The following CLEC1A variants were observed in gnomAD, a reference collection of about 807,000 sequenced individuals.
CLEC1A encodes C-type lectin domain family 1 member A.
A neutral mutation model predicts 28.7 loss-of-function variants in CLEC1A; 34 were observed. The ratio of observed to expected loss-of-function variants is 1.18; its 90% CI spans 0.90 to 1.57. CLEC1A has a LOEUF of 1.57. Ranked by LOEUF, CLEC1A falls within the 40% of genes most tolerant of loss-of-function variation. The pLI is 0.00. For synonymous variants in CLEC1A, 116 were observed against 121.0 expected, an observed-to-expected ratio of 0.96 and a Z score of 0.27; for missense variants, 385 against 339.5, an observed-to-expected ratio of 1.13 and a Z score of -1.05.
In CLEC1A at chr12:10,081,264, A is replaced by C; in HGVS notation, c.364T>G (p.Cys122Gly). The C allele has an allele frequency of 6.2e-7, 1 of 1,609,678 alleles. No homozygotes were observed. The change falls in exon 3 of 6, where the codon TGT (cysteine) becomes GGT (glycine). Residue 122 changes from cysteine (C) to glycine (G), a missense_variant. Transcript: ENST00000315330. ...GSLQHVAEKLCRELYNKAGAH... is the reference protein window; with the variant it reads ...GSLQHVAEKLGRELYNKAGAH... ...CCAGCTTTGTTATACAGCTCACGAC[A>C]GAGTTTTTCAGCCACATGCTGCAGA...
intron 2 of CLEC1A, among the ~76,000 whole-genome samples, chr12:10,082,592 C>T (rs1346680839): frequency 4.6e-5 from 7 of 152,130 alleles, no homozygotes; most frequent in African/African-American, 1.4e-4. Context: ...TACCCAAACA[C>T]AAAAGACATA....
intron 1 of CLEC1A, among the ~76,000 whole-genome samples, chr12:10,090,635 TAGAC>T (rs1362993900): frequency 6.6e-6 from 1 of 151,936 alleles, no homozygotes; most frequent in Non-Finnish European, 1.5e-5. Context: ...AATATAGAAA[TAGAC>T]AGTATAATTA....
chr12:10,071,618 A>G, intron 5 of CLEC1A, 105 bp from the exon 6 acceptor site: 1 of 933,740 alleles, frequency 1.1e-6, no homozygotes, highest in South Asian at 2.4e-5. Context: ...TAGATACCAG[A>G]ATAAGTTTAC....
rs551562420 is a variant in CLEC1A, at chr12:10,073,058, C to A, written c.662+235G>T. On this transcript the variant is annotated intron_variant, in intron 5 of 5. Coordinates refer to ENST00000315330, the MANE Select transcript of CLEC1A (RefSeq NM_016511.4). Reference sequence around the variant, plus strand: ...TTGCACCACTGCACTCCAGCCCATGCAACAGAACAAGACCCTATCTCAAAA... The same window carrying A: ...TTGCACCACTGCACTCCAGCCCATGAAACAGAACAAGACCCTATCTCAAAA... Among the ~76,000 whole-genome samples the A allele has an allele frequency of 4.6e-5, 7 of 152,216 alleles. No homozygotes were observed. In the South Asian group the frequency reaches 1.5e-3, roughly 32 times the overall value.
At chr12:10,076,977 A>G (rs1866264459) in intron 3 of CLEC1A, among the ~76,000 whole-genome samples, 1 of 152,210 alleles carries the variant, frequency 6.6e-6, no homozygotes, top group South Asian at 2.1e-4. Flanking sequence ...AGTCTCACAT[A>G]CAATGTTTTC....
chr12:10,089,162 A>G lies in CLEC1A; in HGVS notation c.176T>C (p.Leu59Ser), dbSNP rs569926977. The change falls in exon 2 of 6, where the codon TTG (leucine) becomes TCG (serine). Residue 59 changes from leucine (L) to serine (S), a missense_variant. By Grantham distance (145) the Leu-to-Ser change is moderately radical (BLOSUM62 -2). Transcript: ENST00000315330. ...PVALTLLTLC[L>S]VLLIGLAALG... ...GGCTGCCAGCCCTATCAGCAGCACC[A>G]AGCACAAAGTCAGCAGGGTCAGGGC... 15 of 1,614,114 alleles carry G rather than the reference A, an allele frequency of 9.3e-6. 1 individual carries two copies. The South Asian group carries it at 1.5e-4, about 17-fold the overall frequency.
At chr12:10,077,375 T>C (rs983121798) in intron 3 of CLEC1A, among the ~76,000 whole-genome samples, 1 of 152,114 alleles carries the variant, frequency 6.6e-6, no homozygotes, top group Non-Finnish European at 1.5e-5. Context: ...ATACCCTCCA[T>C]TCCAGCCTAG....
At chr12:10,094,889 C>A (rs1173963013) in intron 1 of CLEC1A, among the ~76,000 whole-genome samples, 1 of 152,144 alleles carries the variant, frequency 6.6e-6, no homozygotes, top group African/African-American at 2.4e-5. Context: ...CTAATAGGAT[C>A]CCATTTTACT....
chr12:10,097,682 G>A (rs1947795229), intron 1 of CLEC1A, among the ~76,000 whole-genome samples: 1 of 152,130 alleles, frequency 6.6e-6, no homozygotes, highest in Admixed American at 6.6e-5. Context: ...TCTAGTCCTT[G>A]ACAGAGTTCC....
At chr12:10,093,360 T>C (rs1002361486) in intron 1 of CLEC1A, among the ~76,000 whole-genome samples, 1 of 106,772 alleles carries the variant, frequency 9.4e-6, no homozygotes, top group African/African-American at 3.5e-5. Flanking sequence ...CTAGGAATAA[T>C]AAGATATATA....
intron 1 of CLEC1A, among the ~76,000 whole-genome samples, chr12:10,094,781 G>T (rs1947754643): frequency 6.6e-6 from 1 of 152,116 alleles, no homozygotes; most frequent in South Asian, 2.1e-4. Flanking sequence ...AATTCTGAAA[G>T]CATAAATTTA....
chr12:10,071,339 A>T lies in CLEC1A; in HGVS notation c.837T>A (p.Gly279=), dbSNP rs754904871. 4 of 1,612,626 alleles carry T rather than the reference A, an allele frequency of 2.5e-6. No homozygotes were observed. In the African/African-American group the frequency reaches 5.3e-5, roughly 22 times the overall value. The change falls in exon 6 of 6, where the codon GGT becomes GGA. Residue 279 remains glycine, a synonymous_variant. Coordinates refer to ENST00000315330, the MANE Select transcript of CLEC1A (RefSeq NM_016511.4). ...TGTAGTTGCAGAGGGCGAATCAGTCACCTTCGCCTAATGTTTCAGGGGGGA... is the reference window on the plus strand; with the variant it reads ...TGTAGTTGCAGAGGGCGAATCAGTCTCCTTCGCCTAATGTTTCAGGGGGGA... ...LHVPPETLGE[G]D is the part of the protein sequence containing the mutation.
In CLEC1A at chr12:10,081,342, TA is replaced by T; in HGVS notation, c.285del (p.Asn95LysfsTer14). The T allele has an allele frequency of 6.2e-7, 1 of 1,613,542 alleles. No homozygotes were observed. Among genetic ancestry groups the T allele is most frequent in the Non-Finnish European group, 8.5e-7 (1 of 1,179,750 alleles). On this transcript the variant is annotated frameshift_variant, in exon 3 of 6. Transcript: ENST00000315330. LOFTEE classifies it high-confidence loss of function. ...TISQMEERLGNTSQELQSLQV... is the reference protein window; with the variant it reads ...TISQMEERLGXTSQELQSLQV... ...TGAAGAGATTGCAACTCTTGGGACG[TA>T]TTTCCTAATCTTTCTTCCATTTGAG...
chr12:10,078,133 T>C (rs1487276921), intron 3 of CLEC1A, among the ~76,000 whole-genome samples: 1 of 152,224 alleles, frequency 6.6e-6, no homozygotes, highest in Admixed American at 6.5e-5. Context: ...TCTCTGTTGC[T>C]ATTCTTTCCT....
At chr12:10,091,938 A>T (rs953394646) in intron 1 of CLEC1A, among the ~76,000 whole-genome samples, 1 of 152,168 alleles carries the variant, frequency 6.6e-6, no homozygotes, top group African/African-American at 2.4e-5. Flanking sequence ...ATATTTATTT[A>T]TCCATTATTG....
In CLEC1A at chr12:10,098,813, C is replaced by A. The variant is rs770200725; in HGVS notation, c.110G>T (p.Arg37Leu). The A allele has an allele frequency of 1.2e-6, 2 of 1,610,314 alleles. No individual in the cohort carries two copies. Among genetic ancestry groups the A allele is most frequent in the Non-Finnish European group, 1.7e-6 (2 of 1,177,584 alleles). Residue 37 changes from arginine to leucine, a missense_variant, in exon 1 of 6, where the codon CGC (arginine) becomes CTC (leucine). By Grantham distance (102) the Arg-to-Leu change is moderately radical. Coordinates refer to ENST00000315330, the MANE Select transcript of CLEC1A (RefSeq NM_016511.4). ...SATTRHPEPR[R>L]TEHRAPSSTW... Reference sequence around the variant, plus strand: ...GACTCCAGGAGACAGGGTACCTGTGCGCCGGGGCTCTGGATGCCGAGTTGT... The same window carrying A: ...GACTCCAGGAGACAGGGTACCTGTGAGCCGGGGCTCTGGATGCCGAGTTGT...
chr12:10,092,828 T>A (rs748528894), intron 1 of CLEC1A, among the ~76,000 whole-genome samples: 2 of 152,180 alleles, frequency 1.3e-5, no homozygotes, highest in Non-Finnish European at 2.9e-5. Flanking sequence ...AAAAAGTTTT[T>A]AAAAATCTCT....
At chr12:10,089,338 G>A in intron 1 of CLEC1A, 116 bp from the exon 2 acceptor site, 6 of 763,010 alleles carry the variant, frequency 7.9e-6, no homozygotes, top group South Asian at 1.7e-5. Context: ...GCTGGACAAC[G>A]GTAACAGGGG....
intron 2 of CLEC1A, among the ~76,000 whole-genome samples, chr12:10,085,797 GAAAC>G (rs1866480812): frequency 2.0e-5 from 3 of 151,962 alleles, no homozygotes; most frequent in Admixed American, 2.0e-4. Flanking sequence ...AAGAAAGAAA[GAAAC>G]AGTGGACTTA....
Sources: gnomAD v4.1 joint callset for allele counts (sites outside exome capture counted in the v4.1 genomes callset) on GRCh38, gnomAD v4.1.1 for gene constraint, MANE v1.5 for transcripts, NCBI Gene and HGNC (gene_info 2026-07-23, HGNC 2026-07-21) for gene names.